GRM8: variants seen among roughly 807,000 people sequenced by gnomAD.
GRM8 encodes the protein metabotropic glutamate receptor 8.
In GRM8, 47 loss-of-function variants were observed where a neutral mutation model predicts 87.2. That is an observed-to-expected ratio of 0.54 (90% confidence interval 0.43 to 0.69). GRM8 has a LOEUF of 0.69. Ranked by LOEUF, GRM8 falls within the 30% of genes least tolerant of loss-of-function variation. The pLI is 0.00. For missense variants in GRM8, 1,019 were observed against 1,139.2 expected (o/e 0.89, Z 1.52); for synonymous variants, 396 against 404.5 (o/e 0.98, Z 0.25).
At chr7:126,613,033 G>A (rs767257449) in intron 7 of GRM8, among the ~76,000 whole-genome samples, 6 of 152,074 alleles carry the variant, frequency 3.9e-5, no homozygotes, top group East Asian at 1.9e-4. Context: ...TTCCTAATGC[G>A]ATTTCTAGTC....
At chr7:127,224,577 A>G (rs1471302000) in intron 2 of GRM8, among the ~76,000 whole-genome samples, 1 of 152,202 alleles carries the variant, frequency 6.6e-6, no homozygotes, top group Non-Finnish European at 1.5e-5. Flanking sequence ...TAAAAGAAAG[A>G]ATGTCTCAGA....
chr7:126,914,826 T>C (rs1293538373), intron 3 of GRM8, among the ~76,000 whole-genome samples: 1 of 152,196 alleles, frequency 6.6e-6, no homozygotes, highest in African/African-American at 2.4e-5. Context: ...ATGTTCATCA[T>C]CTGGCTGATG....
Position 126,584,378 on chromosome 7 carries a change from C to T in GRM8, c.1494+24984G>A, listed in dbSNP as rs923041969. On this transcript the variant is annotated intron_variant, in intron 8 of 10. Transcript: ENST00000339582. ...TACCTAGAATTACAGGCACACGCCA[C>T]CATGCCCGACTAATTTTGGTATTTT... 9.9e-5 allele frequency among the ~76,000 whole-genome samples: 15 copies of T among 152,218 alleles called. No homozygotes were observed. The Middle Eastern group carries it at 0.01, about 104-fold the overall frequency.
At chr7:126,931,342 A>G (rs1256767207) in intron 3 of GRM8, among the ~76,000 whole-genome samples, 1 of 152,160 alleles carries the variant, frequency 6.6e-6, no homozygotes, top group African/African-American at 2.4e-5. Context: ...GAAAAATGGT[A>G]ATCTCTAGGG....
intron 9 of GRM8, among the ~76,000 whole-genome samples, chr7:126,532,032 G>A (rs140208279): frequency 6.6e-6 from 1 of 152,328 alleles, no homozygotes; most frequent in African/African-American, 2.4e-5. Context: ...ATTCTCCTCT[G>A]TTTTTCAAGC....
intron 7 of GRM8, among the ~76,000 whole-genome samples, chr7:126,714,851 A>G (rs1266471968): frequency 1.3e-5 from 2 of 152,160 alleles, no homozygotes; most frequent in African/African-American, 4.8e-5. Flanking sequence ...AACACACTCT[A>G]TTCTTACAAT....
chr7:127,002,216 T>C (rs62468869), intron 3 of GRM8, among the ~76,000 whole-genome samples: 1 of 151,428 alleles, frequency 6.6e-6, no homozygotes, highest in Non-Finnish European at 1.5e-5. Context: ...ATTTTAAGAG[T>C]AGAAATAAGG....
intron 6 of GRM8, among the ~76,000 whole-genome samples, chr7:126,785,473 G>T (rs578123015): frequency 6.6e-6 from 1 of 152,172 alleles, no homozygotes; most frequent in Admixed American, 6.5e-5. Flanking sequence ...TTTTTAGGAA[G>T]GCATGACTTG....
chr7:126,501,226 T>C (rs1156791753), intron 9 of GRM8, among the ~76,000 whole-genome samples: 1 of 152,026 alleles, frequency 6.6e-6, no homozygotes, highest in Non-Finnish European at 1.5e-5. Context: ...AAGTGGAAAA[T>C]GATTTTTTAA....
At chr7:127,082,921 C>G (rs755605795) in intron 3 of GRM8, among the ~76,000 whole-genome samples, 1 of 152,272 alleles carries the variant, frequency 6.6e-6, no homozygotes, top group South Asian at 2.1e-4. Flanking sequence ...GGGATCGGAA[C>G]CCAGGCAGCA....
Position 126,771,176 on chromosome 7 carries a change from A to T in GRM8, c.1157-1111T>A, listed in dbSNP as rs78538499. Reference sequence around the variant, plus strand: ...TTCAACAAATATTTGTTTTCTGAACATCAATGCATATAACCTACATATTTA... The same window carrying T: ...TTCAACAAATATTTGTTTTCTGAACTTCAATGCATATAACCTACATATTTA... On this transcript the variant is annotated intron_variant, in intron 6 of 10. Transcript: ENST00000339582. Among the ~76,000 whole-genome samples the T allele has an allele frequency of 6.9e-3, 1,057 of 152,252 alleles. 15 individuals carry two copies. Among genetic ancestry groups the T allele is most frequent in the Admixed American group, 0.024 (373 of 15,254 alleles).
chr7:126,480,720 G>GTA (rs931090869), intron 9 of GRM8, among the ~76,000 whole-genome samples: 1 of 152,016 alleles, frequency 6.6e-6, no homozygotes, highest in African/African-American at 2.4e-5. Context: ...GTGTACGTGT[G>GTA]TATATATATA....
At chr7:126,501,719 C>T (rs1010798786) in intron 9 of GRM8, among the ~76,000 whole-genome samples, 2 of 151,928 alleles carry the variant, frequency 1.3e-5, no homozygotes, top group African/African-American at 4.8e-5. Flanking sequence ...AATCTCAAGT[C>T]AGAGAGCAGG....
chr7:126,974,382 T>A (rs1353495395), intron 3 of GRM8, among the ~76,000 whole-genome samples: 1 of 152,172 alleles, frequency 6.6e-6, no homozygotes, highest in African/African-American at 2.4e-5. Context: ...AGATGATAGA[T>A]ATGTTAGTTT....
intron 3 of GRM8, among the ~76,000 whole-genome samples, chr7:126,972,231 G>A (rs923730488): frequency 3.3e-5 from 5 of 152,172 alleles, no homozygotes; most frequent in African/African-American, 9.7e-5. Flanking sequence ...ATACAGTACT[G>A]TGGGTCAAAT....
At chr7:127,202,699 A>C (rs1244985162) in intron 2 of GRM8, among the ~76,000 whole-genome samples, 2 of 152,066 alleles carry the variant, frequency 1.3e-5, no homozygotes, top group African/African-American at 4.8e-5. Context: ...TAGATGGGTG[A>C]GCCAGAATTT....
intron 2 of GRM8, among the ~76,000 whole-genome samples, chr7:127,180,170 T>C (rs188285082): frequency 2.0e-5 from 3 of 151,954 alleles, no homozygotes; most frequent in African/African-American, 7.2e-5. Flanking sequence ...ACAGGAGATA[T>C]TACAACTGAC....
At chr7:127,051,205 C>A (rs2132489626) in intron 3 of GRM8, among the ~76,000 whole-genome samples, 1 of 152,256 alleles carries the variant, frequency 6.6e-6, no homozygotes, top group East Asian at 1.9e-4. Flanking sequence ...CACCTGGGCC[C>A]CACTCTGGGT....
In GRM8 at chr7:126,981,956, T is replaced by C. The variant is rs1474570840; in HGVS notation, c.728-77273A>G. 4.0e-5 allele frequency among the ~76,000 whole-genome samples: 6 copies of C among 151,556 alleles called. No individual in the cohort carries two copies. In the East Asian group the frequency reaches 1.2e-3, roughly 29 times the overall value. On this transcript the variant is annotated intron_variant, in intron 3 of 10. Transcript: ENST00000339582. Reference sequence around the variant, plus strand: ...GGGTTCTCTAGAGTGACAAAACTAATAGGATAAATACATCTATATCTATAT... The same window carrying C: ...GGGTTCTCTAGAGTGACAAAACTAACAGGATAAATACATCTATATCTATAT...
Sources: allele counts gnomAD v4.1 joint callset (sites outside exome capture counted in the v4.1 genomes callset), GRCh38; gene constraint gnomAD v4.1.1; transcripts MANE v1.5; gene names NCBI Gene and HGNC (gene_info 2026-07-23, HGNC 2026-07-21).